Variants in CA10 observed in about 807,000 individuals in gnomAD.
CA10 encodes the protein carbonic anhydrase 10 (inactive), also known as carbonic anhydrase-related protein 10.
CA10 carries 14 observed loss-of-function variants against 44.2 expected under a neutral mutation model. The ratio of observed to expected loss-of-function variants is 0.32; its 90% confidence interval spans 0.21 to 0.50. CA10 has a LOEUF of 0.50. Ranked by LOEUF, CA10 falls within the 20% of genes least tolerant of loss-of-function variation. The pLI is 0.99. For missense variants in CA10, 350 were observed against 409.7 expected (o/e 0.85, Z 1.26); for synonymous variants, 159 against 141.6 (o/e 1.12, Z -0.87).
intron 4 of CA10, among the ~76,000 whole-genome samples, chr17:51,653,973 T>C (rs1461794079): frequency 6.6e-6 from 1 of 152,220 alleles, no homozygotes; most frequent in African/African-American, 2.4e-5. Flanking sequence ...AAGCATGCTT[T>C]TCATAAGCTC....
chr17:51,781,505 C>G (rs569822081), intron 3 of CA10, among the ~76,000 whole-genome samples: 1 of 152,286 alleles, frequency 6.6e-6, no homozygotes, highest in South Asian at 2.1e-4. Flanking sequence ...AATGGAGGCT[C>G]TAGATCAAAT....
chr17:51,797,924 G>A (rs966517550), intron 3 of CA10, among the ~76,000 whole-genome samples: 3 of 147,118 alleles, frequency 2.0e-5, no homozygotes, highest in Non-Finnish European at 3.0e-5. Context: ...ACACATCCAC[G>A]ACTAGCATCT....
chr17:52,097,845 G>A (rs1187920520), intron 1 of CA10, among the ~76,000 whole-genome samples: 1 of 152,154 alleles, frequency 6.6e-6, no homozygotes, highest in African/African-American at 2.4e-5. Context: ...ACAGAATGAG[G>A]ATGACTTTAA....
chr17:51,671,806 C>G (rs1020891095), intron 4 of CA10, among the ~76,000 whole-genome samples: 2 of 152,190 alleles, frequency 1.3e-5, no homozygotes, highest in African/African-American at 4.8e-5. Flanking sequence ...GCTATCTCCT[C>G]CATGCTGGCC....
At chr17:52,153,930 A>T (rs1989753935) in intron 1 of CA10, among the ~76,000 whole-genome samples, 1 of 152,208 alleles carries the variant, frequency 6.6e-6, no homozygotes, top group Non-Finnish European at 1.5e-5. Flanking sequence ...AACTGAAGTT[A>T]TGCCATTTTA....
chr17:52,017,116 A>G (rs74752218), intron 2 of CA10, among the ~76,000 whole-genome samples: 3,222 of 152,212 alleles, frequency 0.021, 108 homozygotes, highest in African/African-American at 0.071. Flanking sequence ...TTTTCTTTAT[A>G]AATTACCCAA....
At chr17:51,645,507 A>T (rs953767085) in intron 6 of CA10, among the ~76,000 whole-genome samples, 2 of 152,226 alleles carry the variant, frequency 1.3e-5, no homozygotes, top group African/African-American at 4.8e-5. Flanking sequence ...GTCAGGATGT[A>T]CTTGAACTGC....
chr17:51,902,510 A>C (rs1981362468), intron 3 of CA10, among the ~76,000 whole-genome samples: 1 of 152,198 alleles, frequency 6.6e-6, no homozygotes, highest in South Asian at 2.1e-4. Context: ...GGCAGTGAGC[A>C]TAGTTACCTG....
intron 1 of CA10, among the ~76,000 whole-genome samples, chr17:52,094,033 C>A (rs1171905604): frequency 1.3e-5 from 2 of 152,084 alleles, no homozygotes; most frequent in Non-Finnish European, 2.9e-5. Flanking sequence ...TCTCAGCAAA[C>A]TATCACAAGA....
chr17:51,876,733 A>G (rs965974969), intron 3 of CA10, among the ~76,000 whole-genome samples: 1 of 151,600 alleles, frequency 6.6e-6, no homozygotes, highest in African/African-American at 2.4e-5. Context: ...AGACTTCAGT[A>G]AAAACTCATA....
chr17:51,694,343 C>T (rs1048309167), intron 4 of CA10, among the ~76,000 whole-genome samples: 5 of 152,086 alleles, frequency 3.3e-5, no homozygotes, highest in African/African-American at 1.2e-4. Flanking sequence ...TTAATAATAG[C>T]CATTCTGACT....
At chr17:51,906,654 T>C (rs1981568444) in intron 3 of CA10, among the ~76,000 whole-genome samples, 1 of 152,154 alleles carries the variant, frequency 6.6e-6, no homozygotes, top group South Asian at 2.1e-4. Flanking sequence ...ATTTTGCCTA[T>C]TTGACATTTC....
chr17:51,892,085 T>G (rs1980883311), intron 3 of CA10, among the ~76,000 whole-genome samples: 1 of 152,218 alleles, frequency 6.6e-6, no homozygotes, highest in African/African-American at 2.4e-5. Flanking sequence ...AATAAAACAC[T>G]GCTTGATGAT....
intron 2 of CA10, among the ~76,000 whole-genome samples, chr17:51,971,819 G>A (rs1347837467): frequency 1.3e-5 from 2 of 151,808 alleles, no homozygotes; most frequent in Non-Finnish European, 2.9e-5. Flanking sequence ...GCCTAAGCTA[G>A]TATAACGTAT....
chr17:51,920,644 A>G (rs984719844), intron 3 of CA10, among the ~76,000 whole-genome samples: 18 of 152,146 alleles, frequency 1.2e-4, no homozygotes, highest in African/African-American at 4.3e-4. Flanking sequence ...CAAGAGGTAA[A>G]CATTACAAAG....
chr17:51,987,052 A>G (rs1436026955), intron 2 of CA10, among the ~76,000 whole-genome samples: 2 of 152,158 alleles, frequency 1.3e-5, no homozygotes, highest in African/African-American at 4.8e-5. Context: ...AGATACTTGC[A>G]CATGCATGTT....
intron 3 of CA10, among the ~76,000 whole-genome samples, chr17:51,895,071 C>T (rs904155158): frequency 6.6e-6 from 1 of 151,822 alleles, no homozygotes. Flanking sequence ...ATCACTGAGC[C>T]CATTATTTAT....
intron 4 of CA10, among the ~76,000 whole-genome samples, chr17:51,701,956 G>A (rs1915618914): frequency 6.6e-6 from 1 of 152,132 alleles, no homozygotes; most frequent in South Asian, 2.1e-4. Flanking sequence ...TTGTCCTCAG[G>A]TTGGCACCTT....
At chr17:51,908,538 G>C (rs370821087) in intron 3 of CA10, among the ~76,000 whole-genome samples, 1 of 152,128 alleles carries the variant, frequency 6.6e-6, no homozygotes. Context: ...TTAAGAAGCC[G>C]AGTTTTCCTC....
Sources: allele counts gnomAD v4.1 joint callset (sites outside exome capture counted in the v4.1 genomes callset), GRCh38; gene constraint gnomAD v4.1.1; transcripts MANE v1.5; gene names NCBI Gene and HGNC (gene_info 2026-07-23, HGNC 2026-07-21).